Variants in GRIK4 observed in about 807,000 individuals in gnomAD.
GRIK4 encodes glutamate receptor ionotropic, kainate 4.
In GRIK4, 40 loss-of-function variants were observed where a neutral mutation model predicts 104.9. The observed-to-expected ratio is 0.38, with a 90% confidence interval of 0.30 to 0.50. The LOEUF (loss-of-function observed/expected upper bound fraction) is 0.50, where lower values mean the gene tolerates loss of function less well. Among genes scored for constraint, GRIK4 ranks in the 20% least tolerant of loss-of-function variants. The probability of loss-of-function intolerance (pLI) is 0.93; values close to 1 mark genes in which losing one functional copy is unlikely to be tolerated. For missense variants in GRIK4, 1,047 were observed against 1,308.1 expected (o/e 0.80, Z 3.08); for synonymous variants, 485 against 524.9 (o/e 0.92, Z 1.04).
intron 19 of GRIK4, among the ~76,000 whole-genome samples, chr11:120,970,882 G>T (rs1046197083): frequency 6.6e-6 from 1 of 152,194 alleles, no homozygotes; most frequent in South Asian, 2.1e-4. Flanking sequence ...GATAGGTTTT[G>T]AATGGACATT....
At chr11:120,641,944 T>C (rs1436125671) in intron 1 of GRIK4, among the ~76,000 whole-genome samples, 6 of 152,208 alleles carry the variant, frequency 3.9e-5, no homozygotes, top group Admixed American at 2.6e-4. Context: ...TCAAATGTTC[T>C]TTCTTCTGAG....
At chr11:120,908,954 G>A (rs977210212) in intron 13 of GRIK4, among the ~76,000 whole-genome samples, 3 of 152,248 alleles carry the variant, frequency 2.0e-5, no homozygotes, top group Admixed American at 6.5e-5. Flanking sequence ...CTCCTTGCCC[G>A]CAGCCTTGCC....
At chr11:120,666,234 G>A (rs528458854) in intron 3 of GRIK4, among the ~76,000 whole-genome samples, 15 of 152,336 alleles carry the variant, frequency 9.8e-5, no homozygotes, top group African/African-American at 3.1e-4. Context: ...AGCACATCTT[G>A]TGGAGAGGAG....
intron 1 of GRIK4, among the ~76,000 whole-genome samples, chr11:120,539,132 G>A (rs1948007074): frequency 6.6e-6 from 1 of 152,194 alleles, no homozygotes; most frequent in African/African-American, 2.4e-5. Flanking sequence ...CACTCTATTA[G>A]GGGAAGGTAC....
At chr11:120,972,726 G>T (rs1944495156) in intron 19 of GRIK4, among the ~76,000 whole-genome samples, 1 of 152,122 alleles carries the variant, frequency 6.6e-6, no homozygotes, top group African/African-American at 2.4e-5. Context: ...ATTTTTACTT[G>T]TGCAGGGGCT....
At chr11:120,758,555 C>T (rs920165268) in intron 3 of GRIK4, among the ~76,000 whole-genome samples, 6 of 152,206 alleles carry the variant, frequency 3.9e-5, no homozygotes, top group Non-Finnish European at 4.4e-5. Context: ...AGCACTGTAA[C>T]CGTGTCTCTG....
chr11:120,635,470 C>T (rs1462558363), intron 1 of GRIK4, among the ~76,000 whole-genome samples: 3 of 152,236 alleles, frequency 2.0e-5, no homozygotes, highest in Non-Finnish European at 2.9e-5. Flanking sequence ...CCCCATAGCT[C>T]TCCTTGCTCC....
chr11:120,753,660 A>G (rs1213443807), intron 3 of GRIK4, among the ~76,000 whole-genome samples: 2 of 152,118 alleles, frequency 1.3e-5, no homozygotes, highest in Admixed American at 6.5e-5. Flanking sequence ...ATCCAGCCCA[A>G]TCTTAGGTGC....
At chr11:120,701,249 T>G (rs929500074) in intron 3 of GRIK4, among the ~76,000 whole-genome samples, 4 of 152,228 alleles carry the variant, frequency 2.6e-5, no homozygotes, top group African/African-American at 4.8e-5. Flanking sequence ...TGCTATTTTG[T>G]GTCCTTTGAC....
chr11:120,781,746 G>C (rs1166563275), intron 3 of GRIK4, among the ~76,000 whole-genome samples: 4 of 152,302 alleles, frequency 2.6e-5, no homozygotes, highest in African/African-American at 9.6e-5. Flanking sequence ...GTGCGTGAGG[G>C]TGGTCTCTGG....
chr11:120,829,450 C>T (rs888491301), intron 6 of GRIK4, among the ~76,000 whole-genome samples: 6 of 152,150 alleles, frequency 3.9e-5, no homozygotes, highest in Admixed American at 1.3e-4. Context: ...AACTTAGCTG[C>T]GAGTGCCGGG....
chr11:120,957,080 G>T, intron 16 of GRIK4, 127 bp downstream of exon 16: 1 of 788,318 alleles, frequency 1.3e-6, no homozygotes, highest in Non-Finnish European at 1.9e-6. Flanking sequence ...CACGCAGGAA[G>T]CCGAGTGCTT....
chr11:120,525,810 C>T (rs945973963), intron 1 of GRIK4, among the ~76,000 whole-genome samples: 11 of 151,954 alleles, frequency 7.2e-5, no homozygotes, highest in African/African-American at 2.4e-4. Context: ...TGGGGGGTGA[C>T]GGGAGGGCTT....
At chr11:120,724,063 G>A (rs1950983367) in intron 3 of GRIK4, among the ~76,000 whole-genome samples, 1 of 152,094 alleles carries the variant, frequency 6.6e-6, no homozygotes, top group Non-Finnish European at 1.5e-5. Context: ...TCAGTATGTA[G>A]CCTTTTCATC....
chr11:120,974,102 A>T (rs776072300), intron 19 of GRIK4, among the ~76,000 whole-genome samples: 2 of 151,900 alleles, frequency 1.3e-5, no homozygotes, highest in Non-Finnish European at 2.9e-5. Context: ...GAGATGGGAT[A>T]TCACCATGTT....
At chr11:120,855,020 C>T (rs1954067463) in intron 8 of GRIK4, among the ~76,000 whole-genome samples, 1 of 152,150 alleles carries the variant, frequency 6.6e-6, no homozygotes, top group Non-Finnish European at 1.5e-5. Context: ...CAAAAGGCAA[C>T]TTTTGATTTC....
chr11:120,547,691 A>G (rs1159804287), intron 1 of GRIK4, among the ~76,000 whole-genome samples: 1 of 152,142 alleles, frequency 6.6e-6, no homozygotes, highest in African/African-American at 2.4e-5. Context: ...ACCAGACATT[A>G]CATGAGCTTG....
chr11:120,730,517 T>A (rs1405344972), intron 3 of GRIK4, among the ~76,000 whole-genome samples: 1 of 152,206 alleles, frequency 6.6e-6, no homozygotes, highest in South Asian at 2.1e-4. Context: ...TCCAGTTTTG[T>A]TGTTTTTGCT....
intron 18 of GRIK4, among the ~76,000 whole-genome samples, chr11:120,966,884 C>T (rs1343799779): frequency 6.6e-6 from 1 of 152,112 alleles, no homozygotes; most frequent in Non-Finnish European, 1.5e-5. Flanking sequence ...GCACAACTGC[C>T]TGGAAAGCCG....
Sources: gnomAD v4.1 joint callset for allele counts (sites outside exome capture counted in the v4.1 genomes callset) on GRCh38, gnomAD v4.1.1 for gene constraint, MANE v1.5 for transcripts, NCBI Gene and HGNC (gene_info 2026-07-23, HGNC 2026-07-21) for gene names.